Variants in COLGALT1 observed in about 807,000 individuals in gnomAD.
The protein encoded by COLGALT1 is collagen beta(1-O)galactosyltransferase 1, also known as procollagen galactosyltransferase 1.
A neutral mutation model predicts 60.8 loss-of-function variants in COLGALT1; 43 were observed. The observed-to-expected ratio is 0.71, with a 90% CI of 0.55 to 0.91. The LOEUF (loss-of-function observed/expected upper bound fraction) is 0.91, where lower values mean the gene tolerates loss of function less well. Among genes scored for constraint, COLGALT1 ranks in the 40% least tolerant of loss-of-function variants. COLGALT1 has a pLI of 0.00. For missense variants in COLGALT1, 845 were observed against 880.0 expected (o/e 0.96, Z 0.50); for synonymous variants, 369 against 374.2 (o/e 0.99, Z 0.16).
At chr19:17,571,840 G>GT (rs916047318) in intron 5 of COLGALT1, 1,551 of 147,622 alleles carry the variant, frequency 0.011, 19 homozygotes, top group African/African-American at 0.033. Context: ...CATTTTTACT[G>GT]TTTTTTTTTT....
chr19:17,564,642 T>C (rs2076270149), intron 3 of COLGALT1, among the ~76,000 whole-genome samples: 1 of 151,954 alleles, frequency 6.6e-6, no homozygotes, highest in Admixed American at 6.6e-5. Flanking sequence ...GGTCTTGAAC[T>C]CCTGACCTCA....
At chr19:17,562,192 C>G (rs2076253323) in intron 3 of COLGALT1, among the ~76,000 whole-genome samples, 1 of 151,602 alleles carries the variant, frequency 6.6e-6, no homozygotes, top group Non-Finnish European at 1.5e-5. Flanking sequence ...AACAAACAAA[C>G]AAAAAGCAGA....
intron 3 of COLGALT1, among the ~76,000 whole-genome samples, chr19:17,561,282 T>C (rs1798627931): frequency 6.6e-6 from 1 of 152,100 alleles, no homozygotes; most frequent in African/African-American, 2.4e-5. Context: ...GGTCTTGCTA[T>C]GTTGCCCAGG....
At chr19:17,574,856 G>A (rs992611573) in intron 6 of COLGALT1, among the ~76,000 whole-genome samples, 1 of 151,796 alleles carries the variant, frequency 6.6e-6, no homozygotes, top group African/African-American at 2.4e-5. Context: ...ACATATATTT[G>A]TGTTGTCATT....
At chr19:17,575,750 G>A (rs1011573190) in intron 6 of COLGALT1, among the ~76,000 whole-genome samples, 1 of 151,868 alleles carries the variant, frequency 6.6e-6, no homozygotes, top group Non-Finnish European at 1.5e-5. Flanking sequence ...ATCATAGCTC[G>A]CTGCAGCCTT....
At chr19:17,574,780 C>T (rs1423270895) in intron 6 of COLGALT1, among the ~76,000 whole-genome samples, 1 of 152,190 alleles carries the variant, frequency 6.6e-6, no homozygotes, top group Non-Finnish European at 1.5e-5. Flanking sequence ...TTATCACCAA[C>T]TCCCATCAGA....
intron 3 of COLGALT1, among the ~76,000 whole-genome samples, chr19:17,562,652 A>G (rs7251940): frequency 0.026 from 3,732 of 143,776 alleles, 154 homozygotes; most frequent in African/African-American, 0.09. Context: ...ACAGAGTGAG[A>G]CTATGTCTCA....
intron 3 of COLGALT1, among the ~76,000 whole-genome samples, chr19:17,565,689 AAG>A (rs924267275): frequency 3.9e-5 from 6 of 152,262 alleles, no homozygotes; most frequent in African/African-American, 1.4e-4. Context: ...CAAACAAACA[AAG>A]AAGCTGTTTG....
intron 11 of COLGALT1, 51 bp downstream of exon 11, chr19:17,580,956 T>A: frequency 6.3e-7 from 1 of 1,594,864 alleles, no homozygotes. Context: ...GGGTCTGTCC[T>A]GGGAGAATGG....
rs566367435 is a variant in COLGALT1 at position 17,582,330 on chromosome 19, ACTGAGCAC to A, written c.*890_*897del. ...GATAAGTTCCTGATTCGGTACACTT[ACTGAGCAC>A]CTGCTGTGTGCAGGGAGCTGAGCTA... On this transcript the variant is annotated 3_prime_UTR_variant, in exon 12 of 12. Transcript: ENST00000252599. 27 of 152,380 alleles carry A rather than the reference ACTGAGCAC, an allele frequency of 1.8e-4. No homozygotes were observed. The highest frequency in any genetic ancestry group is 1.6e-3 in the Admixed American group (24 of 15,298). 9.4% of individuals were successfully genotyped at this position (152,380 alleles called of 1,614,324 possible). A position where few individuals can be genotyped will look rare whatever the true frequency, so the allele number is the denominator to read the frequency against.
chr19:17,568,394 C>T (rs1190337330), intron 4 of COLGALT1, 115 bp from the exon 5 acceptor site: 18 of 884,118 alleles, frequency 2.0e-5, no homozygotes, highest in Non-Finnish European at 2.6e-5. Context: ...GGACCACAGG[C>T]GCACACTGCT....
In COLGALT1 at chr19:17,577,444, G is replaced by A. The variant is rs1263388729; in HGVS notation, c.1110G>A (p.Arg370=). ...RALQAQEIEC[R]LVEAVDGKAM... is the part of the protein sequence containing the mutation. ...TGCAGGCACAGGAGATCGAGTGCCG[G>A]CTGGTGGAGGCCGTGGACGGCAAGT... The change falls in exon 8 of 12, where the codon CGG becomes CGA. Residue 370 remains arginine, a synonymous_variant. Transcript: ENST00000252599. 3 of 1,500,408 alleles carry A rather than the reference G, an allele frequency of 2.0e-6. No homozygotes were observed. The South Asian group carries it at 3.7e-5, about 19-fold the overall frequency. 92.9% of individuals were successfully genotyped at this position (1,500,408 alleles called of 1,614,324 possible).
chr19:17,576,491 A>G, intron 6 of COLGALT1, among the ~76,000 whole-genome samples: 1 of 147,160 alleles, frequency 6.8e-6, no homozygotes, highest in African/African-American at 2.5e-5. Context: ...GTGAAGCTGG[A>G]GCATGGGGCG....
intron 6 of COLGALT1, among the ~76,000 whole-genome samples, chr19:17,574,848 A>G (rs559965698): frequency 2.0e-5 from 3 of 151,818 alleles, no homozygotes; most frequent in South Asian, 2.1e-4. Context: ...AAGTTCTCAC[A>G]TATATTTGTG....
intron 3 of COLGALT1, among the ~76,000 whole-genome samples, chr19:17,563,274 T>C (rs2076260057): frequency 7.1e-6 from 1 of 140,314 alleles, no homozygotes; most frequent in South Asian, 2.4e-4. Flanking sequence ...CACTGCAGCC[T>C]CCACCTCCTG....
In COLGALT1 at chr19:17,573,948, C is replaced by T. The variant is rs147004184; in HGVS notation, c.949+1346C>T. 8.3e-3 allele frequency among the ~76,000 whole-genome samples: 1,267 copies of T among 152,262 alleles called. 10 individuals carry two copies. The highest frequency in any genetic ancestry group is 0.01 in the Non-Finnish European group (695 of 68,024). ...AGTGAGCCAAGATTGCTTCACTGCA[C>T]TCCAGCCTGGGCAGCAGAGCCAGAC... On this transcript the variant is annotated intron_variant, in intron 6 of 11. Transcript: ENST00000252599.
At chr19:17,567,915 C>T (rs547196335) in intron 4 of COLGALT1, among the ~76,000 whole-genome samples, 1 of 152,288 alleles carries the variant, frequency 6.6e-6, no homozygotes, top group Non-Finnish European at 1.5e-5. Context: ...CGCCACTGCA[C>T]TCCAGCCTGG....
intron 3 of COLGALT1, among the ~76,000 whole-genome samples, chr19:17,566,512 C>T (rs1413147398): frequency 6.6e-6 from 1 of 152,054 alleles, no homozygotes; most frequent in Non-Finnish European, 1.5e-5. Flanking sequence ...AGTCTAGGTG[C>T]AGTGGCTCAG....
intron 5 of COLGALT1, among the ~76,000 whole-genome samples, chr19:17,570,020 G>A (rs1244256558): frequency 3.5e-5 from 5 of 143,948 alleles, no homozygotes; most frequent in African/African-American, 5.2e-5. Context: ...TCAGCTTTCC[G>A]CGTAGCTGGG....
Sources: allele counts gnomAD v4.1 joint callset (sites outside exome capture counted in the v4.1 genomes callset), GRCh38; gene constraint gnomAD v4.1.1; transcripts MANE v1.5; gene names NCBI Gene and HGNC (gene_info 2026-07-23, HGNC 2026-07-21).